Variants in PTPRN2 observed in about 807,000 individuals in gnomAD.
PTPRN2 encodes the protein protein tyrosine phosphatase receptor type N2, also known as receptor-type tyrosine-protein phosphatase N2.
A neutral mutation model predicts 118.8 loss-of-function variants in PTPRN2; 74 were observed. The ratio of observed to expected loss-of-function variants is 0.62; its 90% CI spans 0.52 to 0.76. PTPRN2 has a LOEUF of 0.76. PTPRN2 is among the 30% of genes least tolerant of loss of function. PTPRN2 has a pLI of 0.00. For missense variants in PTPRN2, 1,481 were observed against 1,394.4 expected (o/e 1.06, Z -0.99); for synonymous variants, 641 against 608.0 (o/e 1.05, Z -0.80).
chr7:157,766,849 C>A (rs1802516540), intron 12 of PTPRN2, among the ~76,000 whole-genome samples: 1 of 152,212 alleles, frequency 6.6e-6, no homozygotes, highest in Non-Finnish European at 1.5e-5. Context: ...GGGGCCTTCA[C>A]CCTCTACTTG....
At chr7:157,657,782 TACAC>T (rs1191321517) in intron 13 of PTPRN2, among the ~76,000 whole-genome samples, 3 of 57,410 alleles carry the variant, frequency 5.2e-5, no homozygotes, top group South Asian at 6.2e-4. Context: ...ATCACACATA[TACAC>T]ACACAAACGC....
At chr7:157,672,617 C>T (rs910112707) in intron 13 of PTPRN2, among the ~76,000 whole-genome samples, 1 of 152,286 alleles carries the variant, frequency 6.6e-6, no homozygotes, top group East Asian at 1.9e-4. Flanking sequence ...ACCAAAAAAG[C>T]TGAAAGCGAC....
chr7:158,342,263 C>A (rs527553760), intron 2 of PTPRN2, among the ~76,000 whole-genome samples: 1 of 140,078 alleles, frequency 7.1e-6, no homozygotes, highest in Non-Finnish European at 1.5e-5. Context: ...GCAGACGTCA[C>A]TCACACCCAC....
At chr7:158,327,392 CAT>C (rs766834820) in intron 2 of PTPRN2, among the ~76,000 whole-genome samples, 1 of 151,486 alleles carries the variant, frequency 6.6e-6, no homozygotes, top group Non-Finnish European at 1.5e-5. Flanking sequence ...CATGCACACA[CAT>C]GCTCACACAT....
chr7:158,504,391 C>G (rs1041927108), intron 1 of PTPRN2, among the ~76,000 whole-genome samples: 7 of 152,190 alleles, frequency 4.6e-5, no homozygotes, highest in African/African-American at 9.7e-5. Flanking sequence ...CGTTCCCCCC[C>G]CATGTGTCCA....
intron 6 of PTPRN2, among the ~76,000 whole-genome samples, chr7:158,150,419 C>T (rs146936314): frequency 1.3e-5 from 2 of 152,156 alleles, no homozygotes; most frequent in African/African-American, 4.8e-5. Context: ...CTCAGCAGCT[C>T]GAAAAGTGGC....
chr7:158,086,341 C>T (rs1813410504), intron 10 of PTPRN2, among the ~76,000 whole-genome samples: 1 of 152,226 alleles, frequency 6.6e-6, no homozygotes, highest in Non-Finnish European at 1.5e-5. Flanking sequence ...CCGCCTGCAC[C>T]ACTCCACACA....
At chr7:158,009,178 C>T (rs897910625) in intron 11 of PTPRN2, among the ~76,000 whole-genome samples, 3 of 152,198 alleles carry the variant, frequency 2.0e-5, no homozygotes, top group African/African-American at 2.4e-5. Flanking sequence ...ATGCACAAGG[C>T]GACGCTTCAG....
intron 12 of PTPRN2, among the ~76,000 whole-genome samples, chr7:157,782,773 A>C (rs1803762010): frequency 6.6e-6 from 1 of 152,252 alleles, no homozygotes; most frequent in African/African-American, 2.4e-5. Context: ...TGGAAAGAGG[A>C]ATCAGAGGAA....
In PTPRN2 at chr7:158,446,355, G is replaced by A. The variant is rs1018536002; in HGVS notation, c.163+43380C>T. 1.9e-4 allele frequency among the ~76,000 whole-genome samples: 29 copies of A among 152,232 alleles called. 1 individual carries two copies. Among genetic ancestry groups the A allele is most frequent in the African/African-American group, 7.0e-4 (29 of 41,458 alleles). On this transcript the variant is annotated intron_variant, in intron 2 of 22. Coordinates refer to ENST00000389418, the MANE Select transcript of PTPRN2 (RefSeq NM_002847.5). Reference sequence around the variant, plus strand: ...CTATATTTTAATGTGGAAATTCCCAGGCCAGTATGAGGTGTTGCTGTGGTC... The same window carrying A: ...CTATATTTTAATGTGGAAATTCCCAAGCCAGTATGAGGTGTTGCTGTGGTC...
intron 3 of PTPRN2, among the ~76,000 whole-genome samples, chr7:158,271,042 GGCCTCCCCCCA>G (rs1798461611): frequency 9.0e-5 from 12 of 133,384 alleles, no homozygotes; most frequent in Admixed American, 7.4e-5. Context: ...CCTCCACCTG[GGCCTCCCCCCA>G]ACCTGGGCCA....
intron 11 of PTPRN2, among the ~76,000 whole-genome samples, chr7:158,042,254 C>T (rs1460721851): frequency 9.9e-5 from 15 of 152,138 alleles, no homozygotes; most frequent in Admixed American, 6.5e-5. Flanking sequence ...GGGAGTGAAA[C>T]GCAGAGACCA....
At chr7:158,261,781 C>G (rs1037356383) in intron 3 of PTPRN2, among the ~76,000 whole-genome samples, 2 of 152,206 alleles carry the variant, frequency 1.3e-5, no homozygotes, top group Non-Finnish European at 2.9e-5. Flanking sequence ...ATGAGCCACC[C>G]TCAGAACCTG....
At chr7:158,230,766 G>A (rs1035817527) in intron 3 of PTPRN2, among the ~76,000 whole-genome samples, 1 of 152,134 alleles carries the variant, frequency 6.6e-6, no homozygotes, top group Admixed American at 6.5e-5. Flanking sequence ...CAACAAGAAT[G>A]AGGAGTTACA....
chr7:158,321,633 C>T (rs780623133), intron 2 of PTPRN2, among the ~76,000 whole-genome samples: 2 of 152,170 alleles, frequency 1.3e-5, no homozygotes, highest in African/African-American at 4.8e-5. Context: ...GCATTCCATG[C>T]GCAACCTTAA....
intron 10 of PTPRN2, among the ~76,000 whole-genome samples, chr7:158,092,191 C>T (rs1381155872): frequency 6.7e-6 from 1 of 149,384 alleles, no homozygotes; most frequent in Non-Finnish European, 1.5e-5. Flanking sequence ...TACACATATA[C>T]ATGTATATGT....
chr7:157,735,551 A>G (rs1585339280), intron 12 of PTPRN2, among the ~76,000 whole-genome samples: 1 of 152,230 alleles, frequency 6.6e-6, no homozygotes, highest in African/African-American at 2.4e-5. Flanking sequence ...TAGGTTGTTC[A>G]AAAGTAATTG....
intron 10 of PTPRN2, among the ~76,000 whole-genome samples, chr7:158,099,003 CCCCCAACACAT>C (rs1814932732): frequency 4.3e-4 from 8 of 18,770 alleles, no homozygotes; most frequent in Non-Finnish European, 8.0e-4. Flanking sequence ...TCCCCTTCCT[CCCCCAACACAT>C]CCCGGCTGCC....
chr7:158,404,156 A>G (rs756400622), intron 2 of PTPRN2, among the ~76,000 whole-genome samples: 1 of 152,222 alleles, frequency 6.6e-6, no homozygotes, highest in Non-Finnish European at 1.5e-5. Context: ...TCGCTTAATC[A>G]GGACACACTG....
Sources: allele counts gnomAD v4.1 joint callset (sites outside exome capture counted in the v4.1 genomes callset), GRCh38; gene constraint gnomAD v4.1.1; transcripts MANE v1.5; gene names NCBI Gene and HGNC (gene_info 2026-07-23, HGNC 2026-07-21).